Variants in LRRC53 observed in about 807,000 individuals in gnomAD.
LRRC53 encodes the protein leucine rich repeat containing 53.
LRRC53 carries 25 observed loss-of-function variants against 13.6 expected under a neutral mutation model. That is an observed-to-expected ratio of 1.83 (90% CI 1.34 to 2.56). LRRC53 has a LOEUF of 2.56. Among genes scored for constraint, LRRC53 ranks in the 30% most tolerant of loss-of-function variants. The probability of loss-of-function intolerance (pLI) is 0.00; values close to 1 mark genes in which losing one functional copy is unlikely to be tolerated. For missense variants in LRRC53, 527 were observed against 275.8 expected, an observed-to-expected ratio of 1.91 and a Z score of -6.45; for synonymous variants, 204 against 109.8, an observed-to-expected ratio of 1.86 and a Z score of -5.37.
At chr1:74,489,510 T>A (rs372284379) in intron 1 of LRRC53, among the ~76,000 whole-genome samples, 1 of 152,136 alleles carries the variant, frequency 6.6e-6, no homozygotes, top group African/African-American at 2.4e-5. Context: ...AGCTTAAAAA[T>A]TGATAAGTAA....
At chr1:74,509,115 G>T (rs1670053665) in intron 1 of LRRC53, among the ~76,000 whole-genome samples, 2 of 152,136 alleles carry the variant, frequency 1.3e-5, no homozygotes, top group Admixed American at 1.3e-4. Flanking sequence ...TTCTCTTTGA[G>T]ATAGTAGAGC....
the LRRC53 span, among the ~76,000 whole-genome samples, chr1:74,521,028 C>T: frequency 6.6e-6 from 1 of 152,302 alleles, no homozygotes; most frequent in East Asian, 1.9e-4. Context: ...CTTCTCTGCT[C>T]TGGTTGCCCT....
chr1:74,530,158 G>C, the LRRC53 span, among the ~76,000 whole-genome samples: 11 of 152,132 alleles, frequency 7.2e-5, no homozygotes, highest in Non-Finnish European at 1.3e-4. Flanking sequence ...ATTTACCCCA[G>C]AGGGTAGGGT....
At chr1:74,526,639 G>A in the LRRC53 span, among the ~76,000 whole-genome samples, 2 of 152,096 alleles carry the variant, frequency 1.3e-5, no homozygotes, top group East Asian at 3.9e-4. Context: ...AATATAAATT[G>A]GATATTTTTT....
At chr1:74,529,119 G>A in the LRRC53 span, among the ~76,000 whole-genome samples, 1 of 152,260 alleles carries the variant, frequency 6.6e-6, no homozygotes, top group South Asian at 2.1e-4. Flanking sequence ...AAATTTGGCT[G>A]AGATGCAGAA....
chr1:74,527,008 G>T, the LRRC53 span, among the ~76,000 whole-genome samples: 23 of 152,154 alleles, frequency 1.5e-4, no homozygotes, highest in Non-Finnish European at 2.9e-4. Flanking sequence ...TTTACTGTCT[G>T]GTCCTTTACA....
At chr1:74,492,109 G>T (rs776834562) in intron 1 of LRRC53, 2 of 1,605,612 alleles carry the variant, frequency 1.2e-6, no homozygotes, top group Admixed American at 1.7e-5. Context: ...GATGTCTCCT[G>T]CATCAAGTAA....
chr1:74,483,085 A>G (rs989818452), intron 2 of LRRC53, among the ~76,000 whole-genome samples, 177 bp downstream of exon 2: 2 of 152,226 alleles, frequency 1.3e-5, no homozygotes, highest in Non-Finnish European at 2.9e-5. Flanking sequence ...TTTGATTGAG[A>G]CCATCAGGAA....
At chr1:74,497,295 TCTC>T (rs978375742) in intron 1 of LRRC53, among the ~76,000 whole-genome samples, 33 of 151,950 alleles carry the variant, frequency 2.2e-4, no homozygotes, top group African/African-American at 7.7e-4. Flanking sequence ...AGTGGCCATG[TCTC>T]CTCCTCATCA....
In LRRC53 at chr1:74,469,844, G is replaced by T. The variant is rs1326686150; in HGVS notation, c.*34C>A. 2 of 400,170 alleles carry T rather than the reference G, an allele frequency of 5.0e-6. No homozygotes were observed. Among genetic ancestry groups the T allele is most frequent in the Non-Finnish European group, 4.4e-6 (1 of 225,898 alleles). 24.8% of individuals were successfully genotyped at this position (400,170 alleles called of 1,614,324 possible). Reference sequence around the variant, plus strand: ...TGTCCTCTTGAAGAAAGCTAAAGTAGAAAAGGATTATTATTTGAGTTATTT... The same window carrying T: ...TGTCCTCTTGAAGAAAGCTAAAGTATAAAAGGATTATTATTTGAGTTATTT... On this transcript the variant is annotated 3_prime_UTR_variant, in exon 5 of 5. Transcript: ENST00000294635.
At chr1:74,512,808 C>A (rs1570725197), upstream of LRRC53, among the ~76,000 whole-genome samples, 1 of 152,150 alleles carries the variant, frequency 6.6e-6, no homozygotes. Context: ...TTGGGAGCTT[C>A]ATACTGTATT....
chr1:74,528,767 C>T, the LRRC53 span, among the ~76,000 whole-genome samples: 1 of 152,164 alleles, frequency 6.6e-6, no homozygotes, highest in African/African-American at 2.4e-5. Context: ...TAAATGAAAG[C>T]ACCTGGGAGG....
intron 3 of LRRC53, among the ~76,000 whole-genome samples, chr1:74,477,900 C>G (rs990565133): frequency 1.3e-5 from 2 of 152,150 alleles, no homozygotes; most frequent in Non-Finnish European, 2.9e-5. Flanking sequence ...ATGATAAGTT[C>G]TTATTGAAAC....
At chr1:74,533,986 T>A in the LRRC53 span, among the ~76,000 whole-genome samples, 1 of 152,196 alleles carries the variant, frequency 6.6e-6, no homozygotes, top group East Asian at 1.9e-4. Flanking sequence ...TTTCTGCAAG[T>A]CATTCGAACT....
chr1:74,481,773 C>T (rs17095416), intron 2 of LRRC53, among the ~76,000 whole-genome samples: 3,002 of 152,198 alleles, frequency 0.02, 100 homozygotes, highest in African/African-American at 0.068. Flanking sequence ...AATCAGGAGT[C>T]ATTGTAACAC....
At chr1:74,520,624 A>T in the LRRC53 span, among the ~76,000 whole-genome samples, 1 of 151,980 alleles carries the variant, frequency 6.6e-6, no homozygotes, top group Non-Finnish European at 1.5e-5. Context: ...CAAAAAAAAA[A>T]TGGGAAAAAT....
chr1:74,516,942 C>A (rs1341615765), upstream of LRRC53, among the ~76,000 whole-genome samples: 1 of 152,186 alleles, frequency 6.6e-6, no homozygotes, highest in East Asian at 1.9e-4. Context: ...AGCAACCTCT[C>A]TACAGAAGTC....
rs1030105544 is a variant in LRRC53 at position 74,472,951 on chromosome 1, T to G, written c.1421-750A>C. 2.0e-5 allele frequency among the ~76,000 whole-genome samples: 3 copies of G among 152,218 alleles called. No homozygotes were observed. The South Asian group carries it at 6.2e-4, about 32-fold the overall frequency. ...TCATTTACTAAAGGAAAATAGTACA[T>G]GATGAACCATTCAGAAAGGAAGCTT... is the stretch of plus-strand genomic sequence containing the variant. On this transcript the variant is annotated intron_variant, in intron 4 of 4. Coordinates refer to ENST00000294635, the MANE Select transcript of LRRC53 (RefSeq NM_001382280.1).
Position 74,489,232 on chromosome 1 carries a change from G to T in LRRC53, c.-26-5857C>A, listed in dbSNP as rs1308688932. 6.2e-7 allele frequency: 1 copy of T among 1,612,002 alleles called. No individual in the cohort carries two copies. The highest frequency in any genetic ancestry group is 1.7e-5 in the Admixed American group (1 of 59,702). On this transcript the variant is annotated intron_variant, in intron 1 of 4. Coordinates refer to ENST00000294635, the MANE Select transcript of LRRC53 (RefSeq NM_001382280.1). ...GAAGTTGTCATGAAGTTAGAAGAGT[G>T]TCTCTGCAACATTGAGGTAAAAGCT...
Sources: allele counts gnomAD v4.1 joint callset (sites outside exome capture counted in the v4.1 genomes callset), GRCh38; gene constraint gnomAD v4.1.1; transcripts MANE v1.5; gene names NCBI Gene and HGNC (gene_info 2026-07-23, HGNC 2026-07-21).